MAD1L1: variants seen among roughly 807,000 people sequenced by gnomAD.
MAD1L1 encodes mitotic spindle assembly checkpoint protein MAD1.
In MAD1L1, 95 loss-of-function variants were observed where a neutral mutation model predicts 96.9. The observed-to-expected ratio is 0.98, with a 90% confidence interval of 0.83 to 1.16. MAD1L1 has a LOEUF of 1.16. Among genes scored for constraint, MAD1L1 ranks in the 50% most tolerant of loss-of-function variants. The pLI is 0.00. For synonymous variants in MAD1L1, 473 were observed against 396.6 expected (o/e 1.19, Z -2.29); for missense variants, 1,007 against 954.4 (o/e 1.06, Z -0.73).
chr7:2,082,419 C>A (rs1785700472), intron 11 of MAD1L1, among the ~76,000 whole-genome samples: 1 of 152,062 alleles, frequency 6.6e-6, no homozygotes, highest in Admixed American at 6.5e-5. Flanking sequence ...AAGGAGAGAC[C>A]AGAGGGAAGG....
chr7:2,127,893 G>T (rs531854530), intron 11 of MAD1L1, among the ~76,000 whole-genome samples: 1 of 152,098 alleles, frequency 6.6e-6, no homozygotes. Context: ...CCCCAGAGCC[G>T]GTCTGAACTG....
At chr7:2,231,905 G>A (rs370178395) in intron 1 of MAD1L1, among the ~76,000 whole-genome samples, 13 of 152,098 alleles carry the variant, frequency 8.5e-5, no homozygotes, top group African/African-American at 2.9e-4. Context: ...GTCTTCCACC[G>A]CTAGATGATG....
intron 15 of MAD1L1, among the ~76,000 whole-genome samples, chr7:1,971,629 T>C (rs1400967206): frequency 1.3e-5 from 2 of 152,138 alleles, no homozygotes; most frequent in South Asian, 4.1e-4. Context: ...GTAATCTCTC[T>C]CAAAATCCCG....
chr7:1,906,730 A>G (rs921742241), intron 17 of MAD1L1, among the ~76,000 whole-genome samples: 1 of 152,234 alleles, frequency 6.6e-6, no homozygotes, highest in Non-Finnish European at 1.5e-5. Context: ...AACCCGGAAC[A>G]TGGAAGTGCG....
rs561553653 is a variant in MAD1L1 at position 1,984,140 on chromosome 7, A to C, written c.1417-3599T>G. Among the ~76,000 whole-genome samples the C allele has an allele frequency of 2.0e-5, 3 of 152,344 alleles. No individual in the cohort carries two copies. In the South Asian group the frequency reaches 6.2e-4, roughly 32 times the overall value. On this transcript the variant is annotated intron_variant, in intron 14 of 18. Coordinates refer to ENST00000265854, the MANE Select transcript of MAD1L1 (RefSeq NM_001013836.2). Reference sequence around the variant, plus strand: ...GACAATTATTTTCTACATCTTATGCACTTTTGAATCGTACTTCTTTGAACC... The same window carrying C: ...GACAATTATTTTCTACATCTTATGCCCTTTTGAATCGTACTTCTTTGAACC...
intron 11 of MAD1L1, among the ~76,000 whole-genome samples, chr7:2,117,577 A>G (rs1787772882): frequency 6.6e-6 from 1 of 152,124 alleles, no homozygotes; most frequent in African/African-American, 2.4e-5. Context: ...GAGAGAGGTG[A>G]CTGTTTTATA....
chr7:2,132,179 T>G (rs1788539700), intron 11 of MAD1L1, among the ~76,000 whole-genome samples: 1 of 152,074 alleles, frequency 6.6e-6, no homozygotes, highest in Non-Finnish European at 1.5e-5. Flanking sequence ...TTCAAGCAAT[T>G]ATAGGTTTAC....
intron 18 of MAD1L1, among the ~76,000 whole-genome samples, chr7:1,874,035 C>T (rs1355926157): frequency 6.6e-6 from 1 of 152,116 alleles, no homozygotes; most frequent in Non-Finnish European, 1.5e-5. Context: ...TGAGGACAGG[C>T]GGGCCTCTCT....
At chr7:1,995,843 C>A (rs1358257637) in intron 14 of MAD1L1, among the ~76,000 whole-genome samples, 3 of 152,192 alleles carry the variant, frequency 2.0e-5, no homozygotes, top group Non-Finnish European at 4.4e-5. Context: ...CTCCAGCATG[C>A]CAAGCACGAA....
chr7:2,172,456 C>T (rs908691599), intron 10 of MAD1L1, among the ~76,000 whole-genome samples: 1 of 152,204 alleles, frequency 6.6e-6, no homozygotes, highest in Non-Finnish European at 1.5e-5. Context: ...CGAAAGGCCC[C>T]GGGTCTCCAG....
intron 18 of MAD1L1, among the ~76,000 whole-genome samples, chr7:1,888,700 CGTGT>C (rs1186408183): frequency 2.7e-5 from 4 of 147,862 alleles, no homozygotes; most frequent in Non-Finnish European, 6.0e-5. Context: ...GCGTGTGTGT[CGTGT>C]GTGGCTGCCC....
At chr7:2,143,205 C>T (rs146201155) in intron 11 of MAD1L1, among the ~76,000 whole-genome samples, 1,528 of 151,986 alleles carry the variant, frequency 0.01, 20 homozygotes, top group African/African-American at 0.035. Flanking sequence ...GAAAGACTCG[C>T]TCGGAGAGCC....
At chr7:1,920,204 G>A (rs775712849) in intron 17 of MAD1L1, among the ~76,000 whole-genome samples, 1 of 152,206 alleles carries the variant, frequency 6.6e-6, no homozygotes, top group Non-Finnish European at 1.5e-5. Flanking sequence ...CTGTCATTGC[G>A]TGAGCCAACT....
chr7:2,096,901 A>G (rs910547332), intron 11 of MAD1L1, among the ~76,000 whole-genome samples: 8 of 152,148 alleles, frequency 5.3e-5, no homozygotes, highest in African/African-American at 1.7e-4. Context: ...ACCCCCGGCC[A>G]GCAGGTCTGC....
At chr7:1,890,500 C>T (rs948226471) in intron 18 of MAD1L1, among the ~76,000 whole-genome samples, 7 of 152,240 alleles carry the variant, frequency 4.6e-5, no homozygotes, top group Admixed American at 1.3e-4. Flanking sequence ...CAGGTGCACA[C>T]GTGCCCACTT....
intron 13 of MAD1L1, among the ~76,000 whole-genome samples, chr7:2,013,902 C>T (rs1196403514): frequency 1.3e-5 from 2 of 152,214 alleles, no homozygotes; most frequent in Non-Finnish European, 2.9e-5. Context: ...GACAAGGGCA[C>T]GGAGCGTCAC....
intron 1 of MAD1L1, among the ~76,000 whole-genome samples, chr7:2,231,154 C>T (rs745783646): frequency 7.2e-5 from 11 of 151,978 alleles, no homozygotes; most frequent in Non-Finnish European, 1.3e-4. Context: ...AAAAACTAGC[C>T]GGGTGTGGTG....
intron 12 of MAD1L1, among the ~76,000 whole-genome samples, chr7:2,055,241 G>A (rs1043701651): frequency 2.6e-5 from 4 of 152,210 alleles, no homozygotes; most frequent in African/African-American, 9.7e-5. Context: ...TCCTCTCGGA[G>A]GCAGACAGTG....
At chr7:2,007,215 C>A (rs558574148) in intron 13 of MAD1L1, among the ~76,000 whole-genome samples, 1 of 152,342 alleles carries the variant, frequency 6.6e-6, no homozygotes, top group African/African-American at 2.4e-5. Context: ...TGGAGACACA[C>A]AGATTGAAGC....
Sources: allele counts gnomAD v4.1 joint callset (sites outside exome capture counted in the v4.1 genomes callset), GRCh38; gene constraint gnomAD v4.1.1; transcripts MANE v1.5; gene names NCBI Gene and HGNC (gene_info 2026-07-23, HGNC 2026-07-21).